SEC24D: variants seen among roughly 807,000 people sequenced by gnomAD.
SEC24D encodes the protein protein transport protein Sec24D.
In SEC24D, 69 loss-of-function variants were observed where a neutral mutation model predicts 116.9. That is an observed-to-expected ratio of 0.59 (90% CI 0.49 to 0.72). The LOEUF (loss-of-function observed/expected upper bound fraction) is 0.72. SEC24D is among the 30% of genes least tolerant of loss of function. SEC24D has a pLI of 0.00. For synonymous variants in SEC24D, 405 were observed against 442.8 expected, an observed-to-expected ratio of 0.91 and a Z score of 1.07; for missense variants, 1,131 against 1,264.1, an observed-to-expected ratio of 0.89 and a Z score of 1.60.
intron 19 of SEC24D, 108 bp from the exon 20 acceptor site, chr4:118,733,020 G>C (rs1725774255): frequency 2.0e-6 from 2 of 988,684 alleles, no homozygotes. Context: ...TTGTAAGGAT[G>C]TAAGGATTAA....
chr4:118,751,176 C>CTTTTTTTTTTTTTTTTTTTTTTTTTT (rs1185148886), intron 13 of SEC24D, among the ~76,000 whole-genome samples: 15 of 100,328 alleles, frequency 1.5e-4, no homozygotes, highest in Non-Finnish European at 2.0e-4. Context: ...AGAGTGAGGG[C>CTTTTTTTTTTTTTTTTTTTTTTTTTT]TTTTTTTTTT....
Position 118,725,366 on chromosome 4 carries a change from T to C in SEC24D, c.2959-1711A>G, listed in dbSNP as rs562445938. Among the ~76,000 whole-genome samples the C allele has an allele frequency of 2.0e-4, 30 of 152,318 alleles. No individual in the cohort carries two copies. In the South Asian group the frequency reaches 3.7e-3, roughly 19 times the overall value. The stretch of plus-strand genomic sequence containing the variant: ...CCTCCTGATGAACCTGAAGTCAGGA[T>C]TCTTTTCATTTTATGTTTTATCCAC... On this transcript the variant is annotated intron_variant, in intron 22 of 22. Coordinates refer to ENST00000280551, the MANE Select transcript of SEC24D (RefSeq NM_014822.4).
chr4:118,832,220 G>A (rs1730890989), intron 2 of SEC24D, among the ~76,000 whole-genome samples: 2 of 152,104 alleles, frequency 1.3e-5, no homozygotes, highest in Non-Finnish European at 2.9e-5. Context: ...GGTCGACAGA[G>A]GGAGACTCCA....
intron 8 of SEC24D, among the ~76,000 whole-genome samples, chr4:118,785,385 G>T (rs1328295292): frequency 6.6e-6 from 1 of 152,136 alleles, no homozygotes; most frequent in Non-Finnish European, 1.5e-5. Flanking sequence ...ATCAGATGTG[G>T]TCCCTACCCT....
intron 20 of SEC24D, 70 bp downstream of exon 20, chr4:118,732,663 A>G: frequency 7.1e-7 from 1 of 1,415,942 alleles, no homozygotes; most frequent in East Asian, 2.3e-5. Flanking sequence ...CAGATATAAC[A>G]TACGGGAAAG....
rs760263151 is a variant in SEC24D at position 118,723,470 on chromosome 4, G to GAT, written c.*43_*44dup. 6.3e-7 allele frequency: 1 copy of GAT among 1,576,962 alleles called. No individual in the cohort carries two copies. The highest frequency in any genetic ancestry group is 1.8e-5 in the Admixed American group (1 of 54,496). On this transcript the variant is annotated 3_prime_UTR_variant, in exon 23 of 23. Coordinates refer to ENST00000280551, the MANE Select transcript of SEC24D (RefSeq NM_014822.4). ...CTAGAAAATTAGGCACCAAGAAGGA[G>GAT]ATTATCTCCTTGGAAATGCAACATC...
At chr4:118,827,865 A>G (rs1375780624) in intron 2 of SEC24D, among the ~76,000 whole-genome samples, 1 of 152,194 alleles carries the variant, frequency 6.6e-6, no homozygotes, top group Non-Finnish European at 1.5e-5. Context: ...CACTGACCAA[A>G]CCACATCACA....
chr4:118,751,271 C>T lies in SEC24D; in HGVS notation c.1707+725G>A, dbSNP rs773047234. The stretch of plus-strand genomic sequence containing the variant: ...TTGGCTCACCACAACCTCTGCCTCC[C>T]GGGTTCAAACGATTCTCCCACCTCA... On this transcript the variant is annotated intron_variant, in intron 13 of 22. Transcript: ENST00000280551. 3.4e-4 allele frequency among the ~76,000 whole-genome samples: 52 copies of T among 150,940 alleles called. 1 individual carries two copies. Among genetic ancestry groups the T allele is most frequent in the Non-Finnish European group, 6.0e-4 (41 of 67,828 alleles).
At chr4:118,740,571 G>A (rs1441293795) in intron 17 of SEC24D, 92 bp downstream of exon 17, 3 of 1,392,200 alleles carry the variant, frequency 2.2e-6, no homozygotes, top group South Asian at 1.3e-5. Context: ...TTTATGAAGA[G>A]ACTAACACAT....
intron 6 of SEC24D, among the ~76,000 whole-genome samples, chr4:118,807,847 A>G (rs1729740610): frequency 6.6e-6 from 1 of 152,262 alleles, no homozygotes; most frequent in Non-Finnish European, 1.5e-5. Flanking sequence ...AACTGCTGTC[A>G]GACACAGATA....
chr4:118,730,776 C>T (rs578222712), intron 21 of SEC24D: 1 of 153,002 alleles, frequency 6.5e-6, no homozygotes, highest in Non-Finnish European at 1.5e-5. Flanking sequence ...TGTATAGTCT[C>T]TTTTTATGGA....
intron 6 of SEC24D, among the ~76,000 whole-genome samples, chr4:118,814,327 TA>T (rs1358575060): frequency 6.6e-6 from 1 of 152,204 alleles, no homozygotes; most frequent in African/African-American, 2.4e-5. Flanking sequence ...TGCCACAAAA[TA>T]GCATGTCCTC....
intron 2 of SEC24D, among the ~76,000 whole-genome samples, chr4:118,831,769 G>A (rs1240302922): frequency 2.0e-5 from 3 of 152,090 alleles, no homozygotes; most frequent in African/African-American, 7.2e-5. Context: ...AGATCTGAGA[G>A]ACAAGCACTT....
chr4:118,786,518 G>A (rs933326879), intron 8 of SEC24D, among the ~76,000 whole-genome samples: 2 of 152,182 alleles, frequency 1.3e-5, no homozygotes, highest in African/African-American at 4.8e-5. Context: ...GAAGTTAGAA[G>A]CATGAAGCAA....
intron 13 of SEC24D, 122 bp downstream of exon 13, chr4:118,751,874 A>G (rs1726855772): frequency 1.4e-6 from 1 of 699,306 alleles, no homozygotes; most frequent in East Asian, 2.8e-5. Context: ...AGTTTGGAAT[A>G]GCCTCTAGTG....
At chr4:118,820,835 C>T (rs116046128) in intron 3 of SEC24D, among the ~76,000 whole-genome samples, 6,174 of 152,130 alleles carry the variant, frequency 0.041, 192 homozygotes, top group Non-Finnish European at 0.064. Flanking sequence ...ATTTACATTT[C>T]ACTGAATGTC....
chr4:118,825,485 T>C (rs568564691), intron 2 of SEC24D: 41 of 445,514 alleles, frequency 9.2e-5, no homozygotes, highest in African/African-American at 7.7e-4. Flanking sequence ...ATTTCTCTCT[T>C]TTCTTCTTGA....
At chr4:118,781,480 T>G (rs1400022525) in intron 8 of SEC24D, among the ~76,000 whole-genome samples, 1 of 152,212 alleles carries the variant, frequency 6.6e-6, no homozygotes, top group African/African-American at 2.4e-5. Context: ...TGGGCTTCCC[T>G]TTGTGGGTAA....
At chr4:118,725,844 TG>T (rs1725382591) in intron 22 of SEC24D, among the ~76,000 whole-genome samples, 1 of 151,914 alleles carries the variant, frequency 6.6e-6, no homozygotes, top group South Asian at 2.1e-4. Context: ...GTCATGGAAG[TG>T]GTATTGGCCT....
Sources: allele counts gnomAD v4.1 joint callset (sites outside exome capture counted in the v4.1 genomes callset), GRCh38; gene constraint gnomAD v4.1.1; transcripts MANE v1.5; gene names NCBI Gene and HGNC (gene_info 2026-07-23, HGNC 2026-07-21).